Variants in CDKN1A observed in about 807,000 individuals in gnomAD.
The protein encoded by CDKN1A is cyclin-dependent kinase inhibitor 1.
CDKN1A carries 14 observed loss-of-function variants against 14.8 expected under a neutral mutation model. That is an observed-to-expected ratio of 0.94 (90% CI 0.62 to 1.48). CDKN1A has a LOEUF of 1.48. CDKN1A is among the 40% of genes most tolerant of loss of function. The probability of loss-of-function intolerance (pLI) is 0.00; values close to 1 mark genes in which losing one functional copy is unlikely to be tolerated. For missense variants in CDKN1A, 203 were observed against 231.7 expected (o/e 0.88, Z 0.80); for synonymous variants, 92 against 93.5 (o/e 0.98, Z 0.09).
At chr6:36,680,022 G>T (rs1761858297) in intron 1 of CDKN1A, among the ~76,000 whole-genome samples, 1 of 152,188 alleles carries the variant, frequency 6.6e-6, no homozygotes, top group Admixed American at 6.5e-5. Context: ...GCCTGGCGCG[G>T]ACCACAGCGC....
At chr6:36,677,636 T>G (rs1761737849), upstream of CDKN1A, 1 of 397,818 alleles carries the variant, frequency 2.5e-6, no homozygotes, top group Non-Finnish European at 4.8e-6. Context: ...ATTTATGTCA[T>G]CTCCATAAAC....
intron 2 of CDKN1A, among the ~76,000 whole-genome samples, chr6:36,685,011 T>A (rs1185156132): frequency 1.3e-5 from 2 of 152,168 alleles, no homozygotes; most frequent in African/African-American, 4.8e-5. Flanking sequence ...GGTTAATTTT[T>A]TGAGTTTTTG....
Position 36,678,725 on chromosome 6 carries a change from A to G in CDKN1A, c.-79A>G. On this transcript the variant is annotated 5_prime_UTR_variant, in exon 1 of 3. Transcript: ENST00000244741. The surrounding 1 kb of genome is among the most constrained non-coding windows in gnomAD (Gnocchi z 5.7). ...GAGCTGCGCCAGCTGAGGTGTGAGC[A>G]GCTGCCGAAGTCAGTTCCTTGTGGA... 3.0e-6 allele frequency: 3 copies of G among 985,520 alleles called. No individual in the cohort carries two copies. Among genetic ancestry groups the G allele is most frequent in the Non-Finnish European group, 3.6e-6 (3 of 830,014 alleles). The allele number at this position is 985,520 out of a possible 1,614,324, so 61.0% of individuals were successfully genotyped here.
At chr6:36,678,689 A>G, upstream of CDKN1A, 1 of 985,380 alleles carries the variant, frequency 1.0e-6, no homozygotes, top group Non-Finnish European at 1.2e-6. The surrounding 1 kb of genome is among the most constrained non-coding windows in gnomAD (Gnocchi z 5.7). Context: ...GTTGTATATC[A>G]GGGCCGCGCT....
At chr6:36,677,429 T>C (rs1195208720), upstream of CDKN1A, among the ~76,000 whole-genome samples, 2 of 152,148 alleles carry the variant, frequency 1.3e-5, no homozygotes, top group Non-Finnish European at 2.9e-5. Context: ...TGTTTTTTAG[T>C]GGGATTTCTG....
chr6:36,685,357 C>T (rs971194625), intron 2 of CDKN1A, among the ~76,000 whole-genome samples: 4 of 152,256 alleles, frequency 2.6e-5, no homozygotes, highest in South Asian at 4.1e-4. Flanking sequence ...TGGGAGTGTC[C>T]GGTACAGGGG....
upstream of CDKN1A, chr6:36,677,724 G>A (rs1237544690): frequency 1.5e-5 from 7 of 477,648 alleles, no homozygotes; most frequent in Admixed American, 5.9e-5. Context: ...AGAGAGCCCC[G>A]GGCAGGAGGC....
chr6:36,679,883 A>G (rs1002649716), intron 1 of CDKN1A, among the ~76,000 whole-genome samples: 13 of 151,916 alleles, frequency 8.6e-5, no homozygotes, highest in Admixed American at 3.3e-4. Context: ...TCTGGGGGGC[A>G]CGACGCTGCT....
Position 36,684,675 on chromosome 6 carries a change from G to A in CDKN1A, c.445+129G>A. ...AAGGAAACAGGCCCAGAGAGGGGAA[G>A]CAACCTCCCTGAGGTCACACAGCAA... On this transcript the variant is annotated intron_variant, in intron 2 of 2. Coordinates refer to ENST00000244741, the MANE Select transcript of CDKN1A (RefSeq NM_000389.5). This position sits in a 1 kb window ranked among gnomAD's most constrained non-coding sequence, Gnocchi z 6.0. The A allele has an allele frequency of 2.3e-6, 2 of 873,980 alleles. No individual in the cohort carries two copies. The highest frequency in any genetic ancestry group is 2.0e-5 in the Admixed American group (1 of 49,382). 54.1% of individuals were successfully genotyped at this position (873,980 alleles called of 1,614,324 possible).
upstream of CDKN1A, chr6:36,678,209 T>C (rs890222366): frequency 5.2e-5 from 14 of 271,686 alleles, no homozygotes; most frequent in African/African-American, 3.0e-4. This position sits in a 1 kb window ranked among gnomAD's most constrained non-coding sequence, Gnocchi z 5.7. Flanking sequence ...TCAGTGGGAA[T>C]AGAGGTGATA....
intron 1 of CDKN1A, among the ~76,000 whole-genome samples, chr6:36,681,270 TTC>T (rs748598723): frequency 3.5e-5 from 3 of 86,092 alleles, no homozygotes; most frequent in Non-Finnish European, 7.2e-5. Context: ...GTGCTTTTCT[TTC>T]TTTCTTTTTT....
intron 2 of CDKN1A, among the ~76,000 whole-genome samples, chr6:36,685,484 G>C (rs976815823): frequency 6.6e-6 from 1 of 152,224 alleles, no homozygotes; most frequent in Non-Finnish European, 1.5e-5. Flanking sequence ...GCTAGTAGTG[G>C]TTCCTCTGCT....
intron 1 of CDKN1A, among the ~76,000 whole-genome samples, chr6:36,679,102 G>A (rs1761805911): frequency 6.6e-6 from 1 of 152,224 alleles, no homozygotes; most frequent in Non-Finnish European, 1.5e-5. Context: ...AACCCAGCTG[G>A]GGCGAGGGAG....
In CDKN1A at chr6:36,685,989, C is replaced by T; in HGVS notation, c.*189C>T. On this transcript the variant is annotated 3_prime_UTR_variant, in exon 3 of 3. Transcript: ENST00000244741. ...GGCATTAGAATTATTTAAACAAAAA[C>T]TAGGCGGTTGAATGAGAGGTTCCTA... The T allele has an allele frequency of 1.6e-6, 1 of 640,476 alleles. No individual in the cohort carries two copies. Among genetic ancestry groups the T allele is most frequent in the Non-Finnish European group, 2.8e-6 (1 of 360,862 alleles). The allele number at this position is 640,476 out of a possible 1,614,324, so 39.7% of individuals were successfully genotyped here.
upstream of CDKN1A, among the ~76,000 whole-genome samples, chr6:36,677,155 T>G (rs1761720984): frequency 1.3e-5 from 2 of 151,826 alleles, no homozygotes; most frequent in South Asian, 4.2e-4. Flanking sequence ...GGGCTTAGAG[T>G]GGGGTCCTGA....
At position 36,684,290 on chromosome 6, in the gene CDKN1A, C is replaced by G. The variant is rs4986867; in HGVS notation, c.189C>G (p.Phe63Leu). The G allele has an allele frequency of 6.2e-7, 1 of 1,613,134 alleles. No homozygotes were observed. The highest frequency in any genetic ancestry group is 2.2e-5 in the East Asian group (1 of 44,838). ...CCGAGACACCACTGGAGGGTGACTT[C>G]GCCTGGGAGCGTGTGCGGGGCCTTG... ...FVTETPLEGDFAWERVRGLGL... is the reference protein window; with the variant it reads ...FVTETPLEGDLAWERVRGLGL... Residue 63 changes from phenylalanine (F) to leucine (L), a missense_variant, in exon 2 of 3, where the codon TTC becomes TTG. Coordinates refer to ENST00000244741, the MANE Select transcript of CDKN1A (RefSeq NM_000389.5). This position sits in a 1 kb window ranked among gnomAD's most constrained non-coding sequence, Gnocchi z 6.0.
chr6:36,680,442 G>A (rs1345559544), intron 1 of CDKN1A: 1 of 151,788 alleles, frequency 6.6e-6, no homozygotes, highest in Non-Finnish European at 1.5e-5. Flanking sequence ...CGGCCCCCCG[G>A]TCCCCTCCCA....
rs41272172 is a variant in CDKN1A, at chr6:36,686,083, T to C, written c.*283T>C. The C allele has an allele frequency of 1.9e-3, 944 of 506,796 alleles. 1 individual carries two copies. Among genetic ancestry groups the C allele is most frequent in the Non-Finnish European group, 2.7e-3 (764 of 280,316 alleles). 31.4% of individuals were successfully genotyped at this position (506,796 alleles called of 1,614,324 possible). ...TCCTCATCCCGTGTTCTCCTTTTCC[T>C]CTCTCCCGGAGGTTGGGTGGGCCGG... On this transcript the variant is annotated 3_prime_UTR_variant, in exon 3 of 3. Transcript: ENST00000244741. The surrounding 1 kb of genome is among the most constrained non-coding windows in gnomAD (Gnocchi z 4.9).
chr6:36,681,305 T>TTTCC (rs1761952379), intron 1 of CDKN1A, among the ~76,000 whole-genome samples: 7 of 123,122 alleles, frequency 5.7e-5, no homozygotes, highest in East Asian at 2.2e-4. Context: ...TCTTTCTTTC[T>TTTCC]TTCTTTCTTT....
Sources: allele counts gnomAD v4.1 joint callset (sites outside exome capture counted in the v4.1 genomes callset), GRCh38; gene constraint gnomAD v4.1.1; non-coding constraint Gnocchi (gnomAD v3.1); transcripts MANE v1.5; gene names NCBI Gene and HGNC (gene_info 2026-07-23, HGNC 2026-07-21).